Variants in COPG2 observed in about 807,000 individuals in gnomAD.
COPG2 encodes the protein coat protein complex I subunit gamma 2, also known as coatomer subunit gamma-2.
In COPG2, 37 loss-of-function variants were observed where a neutral mutation model predicts 46.3. That is an observed-to-expected ratio of 0.80 (90% CI 0.61 to 1.05). The LOEUF is 1.05. Ranked by LOEUF, COPG2 falls within the 50% of genes least tolerant of loss-of-function variation. The probability of loss-of-function intolerance (pLI) is 0.00; values close to 1 mark genes in which losing one functional copy is unlikely to be tolerated. For missense variants in COPG2, 427 were observed against 387.8 expected, an observed-to-expected ratio of 1.10 and a Z score of -0.85; for synonymous variants, 159 against 129.7, an observed-to-expected ratio of 1.23 and a Z score of -1.53.
At chr7:130,621,411 C>T (rs1554453610) in intron 5 of COPG2, among the ~76,000 whole-genome samples, 1 of 152,314 alleles carries the variant, frequency 6.6e-6, no homozygotes. Flanking sequence ...ATATTTTAGA[C>T]TTTACAGGTT....
At chr7:130,516,647 T>C (rs1433292004) in intron 20 of COPG2, among the ~76,000 whole-genome samples, 21 of 151,936 alleles carry the variant, frequency 1.4e-4, no homozygotes, top group Non-Finnish European at 2.4e-4. Context: ...ACAACAGATA[T>C]GGAAGGGCAT....
In COPG2 at chr7:130,666,901, T is replaced by G. The variant is rs782091853; in HGVS notation, c.119A>C (p.Asn40Thr). 34 of 1,565,878 alleles carry G rather than the reference T, an allele frequency of 2.2e-5. No individual in the cohort carries two copies. Among genetic ancestry groups the G allele is most frequent in the Non-Finnish European group, 2.9e-5 (33 of 1,146,892 alleles). Residue 40 changes from asparagine to threonine, a missense_variant, in exon 3 of 24, where the codon AAT (asparagine) becomes ACT (threonine). Transcript: ENST00000425248. ...EARIFNETPI[N>T]PRRCLHILTK... ...AAGAATATGCAAACATCTTCTTGGA[T>G]TGATTGGAGTTTCATTGAATATACG...
chr7:130,631,340 T>A (rs1192819235), intron 5 of COPG2, among the ~76,000 whole-genome samples: 1 of 152,028 alleles, frequency 6.6e-6, no homozygotes, highest in Non-Finnish European at 1.5e-5. Flanking sequence ...GTATTCTTAG[T>A]AGAGATGGGG....
In COPG2 at chr7:130,550,608, G is replaced by A. The variant is rs1211292426; in HGVS notation, c.1690C>T (p.Gln564Ter). The A allele has an allele frequency of 2.3e-5, 9 of 397,952 alleles. No individual in the cohort carries two copies. Among genetic ancestry groups the A allele is most frequent in the East Asian group, 7.1e-5 (2 of 28,048 alleles). 24.7% of individuals were successfully genotyped at this position (397,952 alleles called of 1,614,324 possible). Residue 564 changes from glutamine to a stop codon, truncating the protein, a stop_gained, in exon 17 of 24, where the codon CAG becomes TAG. Transcript: ENST00000425248. LOFTEE classifies it high-confidence loss of function. ...SVPGMEKALH[Q>*]YTLEPSEKPF... ...TTTTCTGAAGGCTCCAACGTGTACT[G>A]GTGTAAGGCTTTTTCCATCCCTGGT...
intron 5 of COPG2, among the ~76,000 whole-genome samples, chr7:130,641,931 C>T (rs1795498064): frequency 6.6e-6 from 1 of 152,120 alleles, no homozygotes. Flanking sequence ...CTTCCTAAAC[C>T]ATGGTCTTTG....
chr7:130,583,829 A>G (rs1343485140), intron 9 of COPG2, among the ~76,000 whole-genome samples: 69 of 145,098 alleles, frequency 4.8e-4, no homozygotes, highest in Non-Finnish European at 6.6e-4. Context: ...AAAAAAAAAA[A>G]AAAAAAGTCC....
At chr7:130,540,306 G>A (rs977925619) in intron 20 of COPG2, among the ~76,000 whole-genome samples, 13 of 152,082 alleles carry the variant, frequency 8.5e-5, no homozygotes, top group Non-Finnish European at 1.9e-4. Flanking sequence ...CTTGTAGGTC[G>A]AAAGGTCAAG....
Position 130,510,810 on chromosome 7 carries a change from G to A in COPG2, c.2150-2151C>T, listed in dbSNP as rs536021636. ...GTCTAGGCAGTAATCTGTCGAAGCT[G>A]CTGGAGAGGATGACGAAATGGGGCG... is the stretch of plus-strand genomic sequence containing the variant. On this transcript the variant is annotated intron_variant, in intron 20 of 23. Coordinates refer to ENST00000425248, the MANE Select transcript of COPG2 (RefSeq NM_012133.6). 2.0e-5 allele frequency: 9 copies of A among 450,556 alleles called. No homozygotes were observed. The East Asian group carries it at 5.3e-4, about 27-fold the overall frequency. 27.9% of individuals were successfully genotyped at this position (450,556 alleles called of 1,614,324 possible).
intron 7 of COPG2, among the ~76,000 whole-genome samples, chr7:130,613,214 T>G (rs1794886478): frequency 6.6e-6 from 1 of 152,120 alleles, no homozygotes. Flanking sequence ...CCTAGATCCC[T>G]GCATGCGCAG....
chr7:130,535,173 G>A (rs1189854412), intron 20 of COPG2, among the ~76,000 whole-genome samples: 2 of 152,338 alleles, frequency 1.3e-5, no homozygotes, highest in Non-Finnish European at 2.9e-5. Flanking sequence ...CAGGCCCTGG[G>A]TGGCTGAGAG....
At chr7:130,521,021 C>A (rs1799719140) in intron 20 of COPG2, among the ~76,000 whole-genome samples, 1 of 151,962 alleles carries the variant, frequency 6.6e-6, no homozygotes, top group Non-Finnish European at 1.5e-5. Context: ...TTAGTGATGA[C>A]TGAGAAAATA....
intron 5 of COPG2, among the ~76,000 whole-genome samples, chr7:130,628,645 C>T (rs1308085014): frequency 6.6e-6 from 1 of 152,190 alleles, no homozygotes; most frequent in African/African-American, 2.4e-5. Context: ...TTTTGTGTAG[C>T]TCCAAGTTTC....
chr7:130,582,245 G>A (rs1340649875), intron 9 of COPG2, among the ~76,000 whole-genome samples: 3 of 149,568 alleles, frequency 2.0e-5, no homozygotes, highest in Non-Finnish European at 3.0e-5. Flanking sequence ...AAGAAATGGG[G>A]AAAGGATTCC....
intron 4 of COPG2, among the ~76,000 whole-genome samples, chr7:130,656,707 A>T (rs1795860862): frequency 6.6e-6 from 1 of 152,098 alleles, no homozygotes; most frequent in South Asian, 2.1e-4. Flanking sequence ...AAAAGCATCA[A>T]AACATACTAT....
intron 20 of COPG2, among the ~76,000 whole-genome samples, chr7:130,527,838 G>C (rs1188303185): frequency 6.6e-6 from 1 of 152,132 alleles, no homozygotes; most frequent in Non-Finnish European, 1.5e-5. Context: ...AATGGATGTA[G>C]CTGAAAAGGC....
In COPG2 at chr7:130,668,625, C is replaced by A. The variant is rs782600885; in HGVS notation, c.37+7G>T. On this transcript the variant is annotated splice_region_variant and intron_variant, in intron 1 of 23. Transcript: ENST00000425248. ...CTGAGGGTGGGCCTCGGAAGCCCCG[C>A]GCGTACCAGACTCCTCGTCCTTCTT... 1 of 1,532,158 alleles carries A rather than the reference C, an allele frequency of 6.5e-7. No individual in the cohort carries two copies. The highest frequency in any genetic ancestry group is 2.0e-5 in the Admixed American group (1 of 50,212). The allele number at this position is 1,532,158 out of a possible 1,614,324, so 94.9% of individuals were successfully genotyped here. A position where few individuals can be genotyped will look rare whatever the true frequency, so the allele number is the denominator to read the frequency against.
intron 4 of COPG2, among the ~76,000 whole-genome samples, chr7:130,659,766 G>C (rs782644604): frequency 2.2e-4 from 34 of 151,810 alleles, no homozygotes; most frequent in Non-Finnish European, 4.6e-4. Context: ...ACAAAAATTA[G>C]ACAGGCATGG....
chr7:130,588,185 TAC>T (rs1554448363), intron 9 of COPG2, among the ~76,000 whole-genome samples: 9 of 151,824 alleles, frequency 5.9e-5, no homozygotes. Flanking sequence ...GGAACACTTT[TAC>T]ACTGTTGGTG....
At position 130,614,064 on chromosome 7, in the gene COPG2, C is replaced by T. The variant is rs150834186; in HGVS notation, c.400-428G>A. On this transcript the variant is annotated intron_variant, in intron 6 of 23. Transcript: ENST00000425248. ...ATCCCAGAGAGTCCTAGAAATCAAA[C>T]GTAATCCCTGATTATCTGAGATACA... 6.2e-3 allele frequency among the ~76,000 whole-genome samples: 950 copies of T among 152,246 alleles called. 7 individuals are homozygous for T. The highest frequency in any genetic ancestry group is 0.01 in the Non-Finnish European group (702 of 68,018).
Sources: gnomAD v4.1 joint callset for allele counts (sites outside exome capture counted in the v4.1 genomes callset) on GRCh38, gnomAD v4.1.1 for gene constraint, MANE v1.5 for transcripts, NCBI Gene and HGNC (gene_info 2026-07-23, HGNC 2026-07-21) for gene names.